Variants in PCCB observed in about 807,000 individuals in gnomAD.
The protein encoded by PCCB is propionyl-CoA carboxylase beta chain, mitochondrial.
A neutral mutation model predicts 60.7 loss-of-function variants in PCCB; 43 were observed. The ratio of observed to expected loss-of-function variants is 0.71; its 90% CI spans 0.55 to 0.91. The LOEUF is 0.91. Ranked by LOEUF, PCCB falls within the 40% of genes least tolerant of loss-of-function variation. The probability of loss-of-function intolerance (pLI) is 0.00; values close to 1 mark genes in which losing one functional copy is unlikely to be tolerated. For synonymous variants in PCCB, 276 were observed against 255.9 expected (o/e 1.08, Z -0.75); for missense variants, 766 against 702.8 (o/e 1.09, Z -1.02).
At chr3:136,279,206 T>C (rs1942409958) in intron 5 of PCCB, among the ~76,000 whole-genome samples, 1 of 152,192 alleles carries the variant, frequency 6.6e-6, no homozygotes, top group South Asian at 2.1e-4. Context: ...CTCCTGTAAA[T>C]AGCATACAGA....
chr3:136,327,131 C>G, intron 11 of PCCB, 24 bp from the exon 12 acceptor site: 1 of 1,602,860 alleles, frequency 6.2e-7, no homozygotes, highest in Non-Finnish European at 8.5e-7. Flanking sequence ...TTGTGGGTAT[C>G]TAGTAACTCT....
chr3:136,272,906 A>G (rs939351848), intron 5 of PCCB, among the ~76,000 whole-genome samples: 1 of 152,120 alleles, frequency 6.6e-6, no homozygotes, highest in Admixed American at 6.5e-5. Flanking sequence ...GAGGTGAGAC[A>G]GTAGATTGTC....
At chr3:136,261,273 A>C (rs1941815924) in intron 4 of PCCB, among the ~76,000 whole-genome samples, 1 of 152,222 alleles carries the variant, frequency 6.6e-6, no homozygotes. Context: ...TTTGGAATTA[A>C]AGTTGGAGCT....
At chr3:136,281,856 T>C (rs770505048) in intron 5 of PCCB, among the ~76,000 whole-genome samples, 1 of 152,200 alleles carries the variant, frequency 6.6e-6, no homozygotes, top group Non-Finnish European at 1.5e-5. Context: ...TTTTTTAATA[T>C]GGACATTGAA....
chr3:136,284,641 G>A (rs966558824), intron 6 of PCCB, among the ~76,000 whole-genome samples: 1 of 152,130 alleles, frequency 6.6e-6, no homozygotes, highest in African/African-American at 2.4e-5. Context: ...TAGAGGGAGT[G>A]TAAATGGGAA....
intron 14 of PCCB, among the ~76,000 whole-genome samples, chr3:136,329,259 A>G (rs1239791330): frequency 2.0e-5 from 3 of 152,208 alleles, no homozygotes; most frequent in African/African-American, 7.2e-5. Flanking sequence ...AGGTATAGTC[A>G]TTCTGTGGCT....
intron 8 of PCCB, among the ~76,000 whole-genome samples, chr3:136,299,786 ATG>A (rs1470704126): frequency 1.6e-4 from 25 of 151,574 alleles, no homozygotes; most frequent in African/African-American, 3.9e-4. Context: ...ATGTGTATGT[ATG>A]TATATGCATG....
At chr3:136,266,649 GCATTT>G (rs1412184116) in intron 5 of PCCB, among the ~76,000 whole-genome samples, 5 of 152,196 alleles carry the variant, frequency 3.3e-5, no homozygotes, top group African/African-American at 1.2e-4. Context: ...GTTCTAGTTT[GCATTT>G]CTCAGATGAC....
At chr3:136,295,666 C>T (rs533940662) in intron 7 of PCCB, among the ~76,000 whole-genome samples, 17 of 152,240 alleles carry the variant, frequency 1.1e-4, no homozygotes, top group Non-Finnish European at 1.6e-4. Context: ...GTTTGTAGTA[C>T]AAAACTTAGA....
At chr3:136,275,373 T>G (rs932056804) in intron 5 of PCCB, among the ~76,000 whole-genome samples, 1 of 152,164 alleles carries the variant, frequency 6.6e-6, no homozygotes. Context: ...TTCACCTTTC[T>G]ATGGTGTCTC....
At chr3:136,322,298 C>T (rs1317614229) in intron 10 of PCCB, among the ~76,000 whole-genome samples, 2 of 152,156 alleles carry the variant, frequency 1.3e-5, no homozygotes, top group Non-Finnish European at 2.9e-5. Flanking sequence ...ACTCACATAC[C>T]TGAGATAAAT....
chr3:136,268,095 TATATATA>T (rs1386398194), intron 5 of PCCB, among the ~76,000 whole-genome samples: 6 of 92,248 alleles, frequency 6.5e-5, no homozygotes, highest in Admixed American at 2.4e-4. Context: ...TAGATATATA[TATATATA>T]TATATATATA....
intron 1 of PCCB, among the ~76,000 whole-genome samples, chr3:136,251,750 C>T (rs1466098202): frequency 2.0e-5 from 3 of 152,152 alleles, no homozygotes; most frequent in Admixed American, 6.5e-5. Flanking sequence ...CAATTCTTCC[C>T]TGGAACATCG....
chr3:136,253,284 T>C (rs1941573110), intron 1 of PCCB, among the ~76,000 whole-genome samples: 1 of 151,564 alleles, frequency 6.6e-6, no homozygotes, highest in Non-Finnish European at 1.5e-5. Flanking sequence ...ATAGACGGGG[T>C]TTCACCATGT....
chr3:136,327,580 G>T, intron 12 of PCCB, 54 bp from the exon 13 acceptor site: 1 of 1,366,608 alleles, frequency 7.3e-7, no homozygotes, highest in South Asian at 1.2e-5. Flanking sequence ...GGTCTTTCAG[G>T]GACATGATCT....
intron 1 of PCCB, among the ~76,000 whole-genome samples, chr3:136,253,466 C>T (rs1185364128): frequency 1.3e-5 from 2 of 151,660 alleles, no homozygotes; most frequent in Non-Finnish European, 2.9e-5. Context: ...CTCACTACAA[C>T]CTCTGCTTCC....
intron 6 of PCCB, among the ~76,000 whole-genome samples, chr3:136,292,253 C>A (rs951342287): frequency 2.1e-5 from 3 of 145,864 alleles, no homozygotes; most frequent in Admixed American, 1.4e-4. Flanking sequence ...TTTTTTTTAA[C>A]AGTTTCAAAT....
chr3:136,273,673 G>A (rs1942264717), intron 5 of PCCB, among the ~76,000 whole-genome samples: 3 of 134,280 alleles, frequency 2.2e-5, no homozygotes, highest in Admixed American at 8.6e-5. Flanking sequence ...GCTACTTTGC[G>A]AGGCCAAGAC....
At chr3:136,320,821 TC>T (rs1356131460) in intron 10 of PCCB, among the ~76,000 whole-genome samples, 2 of 152,230 alleles carry the variant, frequency 1.3e-5, no homozygotes, top group Non-Finnish European at 2.9e-5. Flanking sequence ...TTTTTATTTT[TC>T]TTGTCTAATT....
Sources: gnomAD v4.1 joint callset for allele counts (sites outside exome capture counted in the v4.1 genomes callset) on GRCh38, gnomAD v4.1.1 for gene constraint, MANE v1.5 for transcripts, NCBI Gene and HGNC (gene_info 2026-07-23, HGNC 2026-07-21) for gene names.